The following CLIC5 variants were observed in gnomAD, a reference collection of about 807,000 sequenced individuals.
CLIC5 encodes the protein chloride intracellular channel protein 5.
Under a neutral mutation model 24.7 loss-of-function variants are expected in CLIC5, and 20 were observed. The observed-to-expected ratio is 0.81, with a 90% CI of 0.57 to 1.18. The LOEUF is 1.18. CLIC5 is among the 50% of genes most tolerant of loss of function. CLIC5 has a pLI of 0.00. For synonymous variants in CLIC5, 159 were observed against 135.6 expected (o/e 1.17, Z -1.20); for missense variants, 341 against 326.1 (o/e 1.05, Z -0.35).
intron 1 of CLIC5, among the ~76,000 whole-genome samples, chr6:45,969,602 G>A (rs370278084): frequency 3.0e-4 from 46 of 152,174 alleles, no homozygotes; most frequent in Admixed American, 6.5e-4. Flanking sequence ...AATCGTGAAC[G>A]TATGTAATTT....
intron 1 of CLIC5, among the ~76,000 whole-genome samples, chr6:46,023,562 C>A (rs1466674589): frequency 6.6e-6 from 1 of 152,034 alleles, no homozygotes; most frequent in Non-Finnish European, 1.5e-5. Context: ...TGGAGTTCTC[C>A]TTTACTCTGC....
the CLIC5 span, among the ~76,000 whole-genome samples, chr6:46,112,933 T>G: frequency 6.6e-6 from 1 of 152,150 alleles, no homozygotes; most frequent in African/African-American, 2.4e-5. Flanking sequence ...GGCAGGCACC[T>G]GTAGTCCCAG....
intron 6 of CLIC5, among the ~76,000 whole-genome samples, chr6:45,888,147 T>G (rs951033162): frequency 6.6e-6 from 1 of 152,136 alleles, no homozygotes; most frequent in African/African-American, 2.4e-5. Context: ...GCCCCTTCCC[T>G]GGGGTGGGGG....
At chr6:46,088,194 T>TGTGTGTGTGTGTGA in the CLIC5 span, among the ~76,000 whole-genome samples, 1 of 151,278 alleles carries the variant, frequency 6.6e-6, no homozygotes, top group Non-Finnish European at 1.5e-5. Context: ...TGTGTGTGTG[T>TGTGTGTGTGTGTGA]GACACTGTAT....
At chr6:46,092,609 CACCAAAATCAGA>C in the CLIC5 span, among the ~76,000 whole-genome samples, 1 of 151,144 alleles carries the variant, frequency 6.6e-6, no homozygotes, top group African/African-American at 2.4e-5. Flanking sequence ...AGATAATCCA[CACCAAAATCAGA>C]ATTATTCCCT....
chr6:45,915,297 T>C (rs1281133056), intron 4 of CLIC5, among the ~76,000 whole-genome samples: 1 of 152,112 alleles, frequency 6.6e-6, no homozygotes, highest in Admixed American at 6.6e-5. Flanking sequence ...AACCTACATA[T>C]TACATTTTTA....
intron 4 of CLIC5, among the ~76,000 whole-genome samples, chr6:45,922,950 C>T (rs1763332953): frequency 6.6e-6 from 1 of 151,932 alleles, no homozygotes; most frequent in Admixed American, 6.6e-5. Flanking sequence ...CAGACTTTAG[C>T]CATGGGGCAG....
upstream of CLIC5, among the ~76,000 whole-genome samples, chr6:46,019,901 A>T (rs1188376529): frequency 6.6e-6 from 1 of 151,960 alleles, no homozygotes; most frequent in Non-Finnish European, 1.5e-5. Context: ...TATACTTAAT[A>T]ACAGAGCTTC....
chr6:46,053,074 A>T (rs1236915533), intron 1 of CLIC5, among the ~76,000 whole-genome samples: 1 of 152,238 alleles, frequency 6.6e-6, no homozygotes, highest in Non-Finnish European at 1.5e-5. Context: ...TCATTGAGCA[A>T]AAAAGCAAAT....
the CLIC5 span, among the ~76,000 whole-genome samples, chr6:46,097,781 G>A: frequency 3.9e-4 from 60 of 152,186 alleles, no homozygotes; most frequent in African/African-American, 1.4e-3. Context: ...TCTCTATATC[G>A]GTATCTCTAG....
chr6:45,942,922 A>C (rs1160737533), intron 3 of CLIC5, among the ~76,000 whole-genome samples: 1 of 152,196 alleles, frequency 6.6e-6, no homozygotes, highest in Non-Finnish European at 1.5e-5. Flanking sequence ...ATGGCTAATA[A>C]ATGGTGGAGG....
Position 45,899,795 on chromosome 6 carries a change from C to G in CLIC5, c.*3293G>C, listed in dbSNP as rs1041874850. On this transcript the variant is annotated 3_prime_UTR_variant, in exon 6 of 6. Coordinates refer to ENST00000339561, the MANE Select transcript of CLIC5 (RefSeq NM_016929.5). ...TTTTTCTGATAAGATCAAGACTTCA[C>G]TGGCCCCACCAGCACAAGAAGGGAA... 6.6e-6 allele frequency: 1 copy of G among 152,234 alleles called. No individual in the cohort carries two copies. The highest frequency in any genetic ancestry group is 1.5e-5 in the Non-Finnish European group (1 of 68,050). The allele number at this position is 152,234 out of a possible 1,614,324, so 9.4% of individuals were successfully genotyped here. A position where few individuals can be genotyped will look rare whatever the true frequency, so the allele number is the denominator to read the frequency against.
chr6:45,893,865 G>T (rs1157608610), downstream of CLIC5, among the ~76,000 whole-genome samples: 3 of 152,268 alleles, frequency 2.0e-5, no homozygotes, highest in South Asian at 2.1e-4. Flanking sequence ...ACTAAAAAAA[G>T]AAATTTTTCT....
At chr6:46,071,457 T>C (rs561120351) in intron 1 of CLIC5, among the ~76,000 whole-genome samples, 4 of 152,112 alleles carry the variant, frequency 2.6e-5, no homozygotes, top group African/African-American at 9.6e-5. Context: ...AAAGAAGACA[T>C]ACATGGGGCC....
intron 1 of CLIC5, chr6:46,014,223 A>T (rs934788720): frequency 1.3e-5 from 2 of 152,274 alleles, no homozygotes; most frequent in Non-Finnish European, 2.9e-5. Flanking sequence ...ACGGAGACAG[A>T]TCACGTACCA....
At chr6:45,913,993 T>C (rs918827257) in intron 5 of CLIC5, among the ~76,000 whole-genome samples, 2 of 152,200 alleles carry the variant, frequency 1.3e-5, no homozygotes, top group African/African-American at 4.8e-5. Flanking sequence ...CTGTATTTAC[T>C]CTTCCACCAA....
upstream of CLIC5, among the ~76,000 whole-genome samples, chr6:46,016,998 C>G (rs1242718581): frequency 1.3e-5 from 2 of 152,230 alleles, no homozygotes; most frequent in Non-Finnish European, 2.9e-5. Flanking sequence ...CGAACATTCT[C>G]TCTATCAAAC....
At chr6:46,044,072 T>C (rs1285491928) in intron 1 of CLIC5, among the ~76,000 whole-genome samples, 2 of 152,148 alleles carry the variant, frequency 1.3e-5, no homozygotes, top group Non-Finnish European at 2.9e-5. Context: ...GCCTGGTATC[T>C]ACCTGCGGAG....
chr6:46,003,568 T>C (rs1766436778), intron 1 of CLIC5, among the ~76,000 whole-genome samples: 1 of 152,186 alleles, frequency 6.6e-6, no homozygotes, highest in Admixed American at 6.5e-5. Context: ...CTGAGAGCAG[T>C]AGAAGACCAC....
Sources: allele counts gnomAD v4.1 joint callset (sites outside exome capture counted in the v4.1 genomes callset), GRCh38; gene constraint gnomAD v4.1.1; transcripts MANE v1.5; gene names NCBI Gene and HGNC (gene_info 2026-07-23, HGNC 2026-07-21).